CLNS1A: variants seen among roughly 807,000 people sequenced by gnomAD.
CLNS1A encodes chloride nucleotide-sensitive channel 1A.
CLNS1A carries 16 observed loss-of-function variants against 29.4 expected under a neutral mutation model. The ratio of observed to expected loss-of-function variants is 0.54; its 90% CI spans 0.37 to 0.83. The LOEUF (loss-of-function observed/expected upper bound fraction) is 0.83, where lower values mean the gene tolerates loss of function less well. Ranked by LOEUF, CLNS1A falls within the 40% of genes least tolerant of loss-of-function variation. CLNS1A has a pLI of 0.00. For synonymous variants in CLNS1A, 96 were observed against 104.8 expected, an observed-to-expected ratio of 0.92 and a Z score of 0.51; for missense variants, 235 against 287.4, an observed-to-expected ratio of 0.82 and a Z score of 1.32.
chr11:77,621,293 AAAC>A (rs1450627908), intron 5 of CLNS1A, among the ~76,000 whole-genome samples: 1 of 35,648 alleles, frequency 2.8e-5, no homozygotes, highest in Non-Finnish European at 5.4e-5. Flanking sequence ...ACTCTGTCTC[AAAC>A]ACACACACAC....
Position 77,637,718 on chromosome 11 carries a change from A to G in CLNS1A, c.-4T>C. ...GGAAACTTTTGAGGAAGCTCATAGC[A>G]GCAGAGTGCGGCAACACAGGCCCTG... On this transcript the variant is annotated 5_prime_UTR_variant, in exon 1 of 7. Coordinates refer to ENST00000525428, the MANE Select transcript of CLNS1A (RefSeq NM_001293.3). 6.4e-7 allele frequency: 1 copy of G among 1,554,998 alleles called. No individual in the cohort carries two copies. Among genetic ancestry groups the G allele is most frequent in the Non-Finnish European group, 8.7e-7 (1 of 1,148,936 alleles).
At chr11:77,617,698 T>C (rs1958918983) in intron 6 of CLNS1A, among the ~76,000 whole-genome samples, 1 of 151,828 alleles carries the variant, frequency 6.6e-6, no homozygotes, top group African/African-American at 2.4e-5. Context: ...GGCAGGCGGA[T>C]CACGAGGTCA....
chr11:77,619,709 T>G lies in CLNS1A; in HGVS notation c.647-14A>C, dbSNP rs768813718. 4 of 1,594,928 alleles carry G rather than the reference T, an allele frequency of 2.5e-6. No homozygotes were observed. The highest frequency in any genetic ancestry group is 1.1e-5 in the South Asian group (1 of 90,680). ...CCTCCATCCCATCTAAACAAAAAAA[T>G]TAATTACTGAGCAATCCCTATGAAC... On this transcript the variant is annotated splice_polypyrimidine_tract_variant and intron_variant, in intron 5 of 6. Coordinates refer to ENST00000525428, the MANE Select transcript of CLNS1A (RefSeq NM_001293.3).
At chr11:77,636,456 C>T (rs1350633136) in intron 1 of CLNS1A, among the ~76,000 whole-genome samples, 1 of 152,172 alleles carries the variant, frequency 6.6e-6, no homozygotes, top group Non-Finnish European at 1.5e-5. Context: ...TCCTCCCATC[C>T]ATATGTCCTA....
chr11:77,635,268 T>A (rs1474493819), intron 1 of CLNS1A, among the ~76,000 whole-genome samples: 1 of 151,300 alleles, frequency 6.6e-6, no homozygotes, highest in Non-Finnish European at 1.5e-5. Context: ...AACAGAGACA[T>A]AAACATGGCA....
At chr11:77,621,873 G>C (rs532412394) in intron 5 of CLNS1A, 1 of 434,832 alleles carries the variant, frequency 2.3e-6, no homozygotes, top group East Asian at 7.0e-5. Flanking sequence ...CACCTCCCCT[G>C]AGCAAGAAGA....
At position 77,637,647 on chromosome 11, in the gene CLNS1A, G is replaced by C; in HGVS notation, c.68C>G (p.Thr23Ser). The C allele has an allele frequency of 6.3e-7, 1 of 1,583,050 alleles. No individual in the cohort carries two copies. Among genetic ancestry groups the C allele is most frequent in the Admixed American group, 1.8e-5 (1 of 55,638 alleles). Reference sequence around the variant, plus strand: ...GCCCTTCCCGTTCAGCACAGCCTCAGTGTCTGGCTGCTGCCGCAGGAGCCC... The same window carrying C: ...GCCCTTCCCGTTCAGCACAGCCTCACTGTCTGGCTGCTGCCGCAGGAGCCC... ...AEGLLRQQPD[T>S]EAVLNGKGLG... The change falls in exon 1 of 7, where the codon ACT becomes AGT. Residue 23 changes from threonine (T) to serine (S), a missense_variant. Transcript: ENST00000525428.
At chr11:77,623,558 T>C (rs1958985377) in intron 4 of CLNS1A, among the ~76,000 whole-genome samples, 1 of 151,114 alleles carries the variant, frequency 6.6e-6, no homozygotes, top group Non-Finnish European at 1.5e-5. Context: ...TACCACTGTA[T>C]TCCAGCCTGG....
At chr11:77,633,359 T>C (rs1959093589) in intron 1 of CLNS1A, among the ~76,000 whole-genome samples, 1 of 152,220 alleles carries the variant, frequency 6.6e-6, no homozygotes, top group South Asian at 2.1e-4. Context: ...GATTTCACTG[T>C]ATCATCTAAA....
intron 3 of CLNS1A, chr11:77,625,304 C>A: frequency 1.9e-6 from 1 of 524,766 alleles, no homozygotes; most frequent in East Asian, 3.3e-5. Flanking sequence ...AAAAAAGGGT[C>A]AGAGTCCTGG....
At chr11:77,637,412 AG>A (rs903131929) in intron 1 of CLNS1A, among the ~76,000 whole-genome samples, 177 bp downstream of exon 1, 15 of 150,362 alleles carry the variant, frequency 1.0e-4, no homozygotes, top group African/African-American at 2.9e-4. Context: ...AAGACTCCGG[AG>A]GAGTACTAGA....
chr11:77,628,589 G>A (rs988956025), intron 2 of CLNS1A, among the ~76,000 whole-genome samples: 2 of 152,132 alleles, frequency 1.3e-5, no homozygotes, highest in Non-Finnish European at 2.9e-5. Context: ...ACTTAATGAG[G>A]CAGGTCTTGC....
At chr11:77,620,126 G>GA (rs1365303474) in intron 5 of CLNS1A, among the ~76,000 whole-genome samples, 1 of 151,782 alleles carries the variant, frequency 6.6e-6, no homozygotes, top group Non-Finnish European at 1.5e-5. Flanking sequence ...GGGAACAAGA[G>GA]AAAAAAAACA....
rs773632946 is a variant in CLNS1A, at chr11:77,629,734, G to C, written c.262+29C>G. On this transcript the variant is annotated intron_variant, in intron 2 of 6. Coordinates refer to ENST00000525428, the MANE Select transcript of CLNS1A (RefSeq NM_001293.3). ...TAAAATATAATTTGCTATCAAAGGA[G>C]GCATTAGATTAAATTACACCATACA... The C allele has an allele frequency of 1.1e-5, 18 of 1,599,916 alleles. No individual in the cohort carries two copies. In the East Asian group the frequency reaches 3.6e-4, roughly 32 times the overall value.
At chr11:77,622,321 A>T (rs1425068573) in intron 5 of CLNS1A, 179 bp downstream of exon 5, 3 of 598,650 alleles carry the variant, frequency 5.0e-6, no homozygotes, top group Non-Finnish European at 8.4e-6. Context: ...GGTAATGAGG[A>T]AAAAAAATCA....
Position 77,624,238 on chromosome 11 carries a change from C to A in CLNS1A, c.472+725G>T, listed in dbSNP as rs142982579. Among the ~76,000 whole-genome samples, 846 of 152,238 alleles carry A rather than the reference C, an allele frequency of 5.6e-3. 14 individuals carry two copies. The highest frequency in any genetic ancestry group is 0.019 in the African/African-American group (798 of 41,552). Reference sequence around the variant, plus strand: ...AGAAATCACACCACTGCACACCAGCCTGGGCATCAGAGTGAGACCCTGTTG... The same window carrying A: ...AGAAATCACACCACTGCACACCAGCATGGGCATCAGAGTGAGACCCTGTTG... On this transcript the variant is annotated intron_variant, in intron 4 of 6. Coordinates refer to ENST00000525428, the MANE Select transcript of CLNS1A (RefSeq NM_001293.3).
At chr11:77,626,333 T>C (rs1159934562) in intron 2 of CLNS1A, among the ~76,000 whole-genome samples, 1 of 152,118 alleles carries the variant, frequency 6.6e-6, no homozygotes, top group Non-Finnish European at 1.5e-5. Flanking sequence ...TCCTCCTGTC[T>C]TGGCCATTCA....
chr11:77,633,321 T>A (rs749074516), intron 1 of CLNS1A, among the ~76,000 whole-genome samples: 2 of 152,168 alleles, frequency 1.3e-5, no homozygotes, highest in Non-Finnish European at 2.9e-5. Flanking sequence ...AAGTTCTAAC[T>A]TTCAAAGTGA....
At chr11:77,627,655 G>C (rs1221589353) in intron 2 of CLNS1A, among the ~76,000 whole-genome samples, 1 of 152,044 alleles carries the variant, frequency 6.6e-6, no homozygotes, top group African/African-American at 2.4e-5. Flanking sequence ...CTTTTTCCTA[G>C]TTTAGGACTC....
Sources: gnomAD v4.1 joint callset for allele counts (sites outside exome capture counted in the v4.1 genomes callset) on GRCh38, gnomAD v4.1.1 for gene constraint, MANE v1.5 for transcripts, NCBI Gene and HGNC (gene_info 2026-07-23, HGNC 2026-07-21) for gene names.